NOL4: variants seen among roughly 807,000 people sequenced by gnomAD.
NOL4 encodes cancer/testis antigen 125.
Under a neutral mutation model 75.9 loss-of-function variants are expected in NOL4, and 17 were observed. The observed-to-expected ratio is 0.22, with a 90% CI of 0.15 to 0.34. The LOEUF is 0.34. NOL4 is among the 10% of genes least tolerant of loss of function. NOL4 has a pLI of 1.00. For missense variants in NOL4, 614 were observed against 793.5 expected, an observed-to-expected ratio of 0.77 and a Z score of 2.72; for synonymous variants, 292 against 289.9, an observed-to-expected ratio of 1.01 and a Z score of -0.07.
chr18:33,910,304 T>G (rs931013029), intron 9 of NOL4, among the ~76,000 whole-genome samples: 1 of 152,156 alleles, frequency 6.6e-6, no homozygotes, highest in Non-Finnish European at 1.5e-5. Flanking sequence ...GCTTACTTGC[T>G]CTCTGGACTC....
chr18:34,058,298 T>G (rs560110892), intron 5 of NOL4, among the ~76,000 whole-genome samples: 9 of 152,230 alleles, frequency 5.9e-5, no homozygotes, highest in African/African-American at 9.6e-5. Context: ...CACGCCCGGC[T>G]AATTTTTTGT....
At chr18:33,899,980 A>T (rs907185308) in intron 9 of NOL4, among the ~76,000 whole-genome samples, 16 of 152,192 alleles carry the variant, frequency 1.1e-4, no homozygotes, top group African/African-American at 3.9e-4. Flanking sequence ...AGCAAGAAAA[A>T]TCAGAGATCA....
chr18:33,962,643 C>T (rs2070242629), intron 6 of NOL4, among the ~76,000 whole-genome samples: 1 of 152,078 alleles, frequency 6.6e-6, no homozygotes. Context: ...AATATCTTTA[C>T]AGTTCACATC....
chr18:33,906,414 T>C (rs2066047304), intron 9 of NOL4, among the ~76,000 whole-genome samples: 1 of 152,202 alleles, frequency 6.6e-6, no homozygotes, highest in African/African-American at 2.4e-5. Context: ...TTGCTAGCTC[T>C]CTAAATAAGG....
chr18:33,957,118 A>G (rs982998069), intron 8 of NOL4, among the ~76,000 whole-genome samples: 1 of 152,112 alleles, frequency 6.6e-6, no homozygotes, highest in African/African-American at 2.4e-5. Flanking sequence ...GACTCACAAG[A>G]TATTCCTTAT....
intron 5 of NOL4, among the ~76,000 whole-genome samples, chr18:34,077,537 A>G (rs1035208391): frequency 6.6e-6 from 1 of 152,096 alleles, no homozygotes; most frequent in African/African-American, 2.4e-5. Flanking sequence ...TAATTCCCAC[A>G]AAGCACCTAA....
intron 9 of NOL4, among the ~76,000 whole-genome samples, chr18:33,940,919 A>G (rs1014527253): frequency 5.9e-5 from 9 of 151,892 alleles, no homozygotes; most frequent in Non-Finnish European, 8.8e-5. Context: ...CCCATTTTTA[A>G]TTATTTTTAG....
chr18:34,086,955 T>C (rs1461567057), intron 5 of NOL4, among the ~76,000 whole-genome samples: 1 of 152,156 alleles, frequency 6.6e-6, no homozygotes, highest in Non-Finnish European at 1.5e-5. Flanking sequence ...GGAATGAACT[T>C]ACATGCTATT....
chr18:34,110,635 GC>G (rs1171719958), intron 2 of NOL4, among the ~76,000 whole-genome samples: 1 of 152,080 alleles, frequency 6.6e-6, no homozygotes, highest in African/African-American at 2.4e-5. Context: ...AGACAAGGAT[GC>G]CCACTTTTGT....
chr18:34,167,255 A>AATGGT (rs970888121), intron 1 of NOL4, among the ~76,000 whole-genome samples: 10 of 151,980 alleles, frequency 6.6e-5, no homozygotes, highest in Non-Finnish European at 5.9e-5. Context: ...TCCTGGACCC[A>AATGGT]ATCCCTAATG....
intron 8 of NOL4, 104 bp from the exon 9 acceptor site, chr18:33,943,282 A>T: frequency 1.5e-6 from 1 of 682,078 alleles, no homozygotes; most frequent in Non-Finnish European, 2.5e-6. Context: ...ATGTGCAGGA[A>T]TATCCATTTA....
chr18:34,040,670 C>T (rs907464269), intron 5 of NOL4, among the ~76,000 whole-genome samples: 9 of 151,858 alleles, frequency 5.9e-5, no homozygotes, highest in Non-Finnish European at 1.2e-4. Context: ...TTTCCACTGC[C>T]TTATGCTGCA....
intron 1 of NOL4, among the ~76,000 whole-genome samples, chr18:34,148,092 T>C (rs1402000569): frequency 6.6e-6 from 1 of 152,134 alleles, no homozygotes; most frequent in African/African-American, 2.4e-5. Flanking sequence ...TGTGTCTGTT[T>C]GATTCTTCTC....
At chr18:34,117,896 G>C (rs2079937724) in intron 2 of NOL4, among the ~76,000 whole-genome samples, 2 of 152,110 alleles carry the variant, frequency 1.3e-5, no homozygotes, top group Non-Finnish European at 2.9e-5. Context: ...ATCATGAGTA[G>C]TAACAATCAC....
At chr18:34,020,558 T>A (rs957162867) in intron 5 of NOL4, among the ~76,000 whole-genome samples, 6 of 152,200 alleles carry the variant, frequency 3.9e-5, no homozygotes, top group Admixed American at 3.9e-4. Context: ...TAAACATTTA[T>A]ACCAGTGTTG....
At chr18:34,134,078 AT>A (rs2080782164) in intron 1 of NOL4, among the ~76,000 whole-genome samples, 1 of 152,034 alleles carries the variant, frequency 6.6e-6, no homozygotes, top group Non-Finnish European at 1.5e-5. Flanking sequence ...AACACATAAG[AT>A]TATAAACAGC....
intron 1 of NOL4, among the ~76,000 whole-genome samples, chr18:34,160,408 A>G (rs1167678895): frequency 2.0e-5 from 3 of 152,122 alleles, no homozygotes; most frequent in Non-Finnish European, 2.9e-5. Context: ...AAAATATTGT[A>G]AGTAATAAAT....
chr18:33,937,968 A>G (rs1372003672), intron 9 of NOL4, among the ~76,000 whole-genome samples: 1 of 152,124 alleles, frequency 6.6e-6, no homozygotes, highest in East Asian at 1.9e-4. Flanking sequence ...ATTTTCCACA[A>G]GAAAACTGCA....
chr18:34,115,504 T>A (rs1260207898), intron 2 of NOL4, among the ~76,000 whole-genome samples: 2 of 130,380 alleles, frequency 1.5e-5, no homozygotes, highest in African/African-American at 2.8e-5. Flanking sequence ...CCTTAGCACA[T>A]GCACAGTGGG....
Sources: allele counts gnomAD v4.1 joint callset (sites outside exome capture counted in the v4.1 genomes callset), GRCh38; gene constraint gnomAD v4.1.1; transcripts MANE v1.5; gene names NCBI Gene and HGNC (gene_info 2026-07-23, HGNC 2026-07-21).